SMCO4: variants seen among roughly 807,000 people sequenced by gnomAD.
SMCO4 encodes the protein single-pass membrane protein with coiled-coil domains 4.
SMCO4 carries 4 observed loss-of-function variants against 3.6 expected under a neutral mutation model. That is an observed-to-expected ratio of 1.11 (90% CI 0.54 to 2.53). The LOEUF (loss-of-function observed/expected upper bound fraction) is 2.53. Ranked by LOEUF, SMCO4 falls within the 30% of genes most tolerant of loss-of-function variation. The probability of loss-of-function intolerance (pLI) is 0.02; values close to 1 mark genes in which losing one functional copy is unlikely to be tolerated. For synonymous variants in SMCO4, 36 were observed against 35.3 expected (o/e 1.02, Z -0.07); for missense variants, 70 against 80.8 (o/e 0.87, Z 0.51).
At chr11:93,493,239 G>C (rs939631989) in intron 2 of SMCO4, among the ~76,000 whole-genome samples, 2 of 152,130 alleles carry the variant, frequency 1.3e-5, no homozygotes, top group Non-Finnish European at 2.9e-5. Flanking sequence ...AAGCCTCCAG[G>C]TCAGCAAGAG....
intron 1 of SMCO4, among the ~76,000 whole-genome samples, chr11:93,535,090 G>A (rs138648903): frequency 6.6e-4 from 100 of 152,210 alleles, no homozygotes; most frequent in Non-Finnish European, 1.3e-3. Flanking sequence ...TCCAATCCAC[G>A]CCTCAGCAGC....
intron 2 of SMCO4, among the ~76,000 whole-genome samples, chr11:93,496,231 C>T (rs535591058): frequency 1.3e-5 from 2 of 152,084 alleles, no homozygotes; most frequent in South Asian, 4.2e-4. Context: ...TGGCAAAGGA[C>T]GATGTTGGCT....
the SMCO4 span, among the ~76,000 whole-genome samples, chr11:93,552,893 T>C: frequency 6.6e-6 from 1 of 152,222 alleles, no homozygotes; most frequent in East Asian, 1.9e-4. Flanking sequence ...TTCCTTATTA[T>C]ATACAGCCTG....
chr11:93,490,653 T>C (rs1166269532), intron 2 of SMCO4, among the ~76,000 whole-genome samples: 1 of 152,198 alleles, frequency 6.6e-6, no homozygotes, highest in Non-Finnish European at 1.5e-5. Context: ...TAAATCGCAA[T>C]GGTTAAATGG....
chr11:93,492,551 G>C (rs1348069867), intron 2 of SMCO4, among the ~76,000 whole-genome samples: 1 of 152,058 alleles, frequency 6.6e-6, no homozygotes, highest in Non-Finnish European at 1.5e-5. Flanking sequence ...CCAGGTGGGA[G>C]ACGTGATTTA....
At chr11:93,498,326 G>A (rs1486572838) in intron 2 of SMCO4, among the ~76,000 whole-genome samples, 3 of 152,248 alleles carry the variant, frequency 2.0e-5, no homozygotes, top group African/African-American at 7.2e-5. Flanking sequence ...AAAGGACAAA[G>A]GTTGGGGGCA....
chr11:93,508,859 G>C (rs367900148), intron 1 of SMCO4, among the ~76,000 whole-genome samples: 1 of 152,188 alleles, frequency 6.6e-6, no homozygotes, highest in African/African-American at 2.4e-5. Context: ...GAAGGAGCAG[G>C]AAACACTTCC....
At chr11:93,552,945 G>A in the SMCO4 span, among the ~76,000 whole-genome samples, 1 of 152,160 alleles carries the variant, frequency 6.6e-6, no homozygotes, top group Non-Finnish European at 1.5e-5. Context: ...CCCTAGTGAA[G>A]GGATTGAGGG....
At chr11:93,500,604 GT>G (rs1162999318) in intron 1 of SMCO4, among the ~76,000 whole-genome samples, 2 of 152,194 alleles carry the variant, frequency 1.3e-5, no homozygotes, top group Non-Finnish European at 2.9e-5. Flanking sequence ...GGGGAAGGGA[GT>G]TGGTTATTCA....
At chr11:93,492,208 G>A (rs1948725415) in intron 2 of SMCO4, among the ~76,000 whole-genome samples, 1 of 152,192 alleles carries the variant, frequency 6.6e-6, no homozygotes, top group South Asian at 2.1e-4. Context: ...GAGCACCAGT[G>A]TTGGCAACTA....
chr11:93,511,587 T>G (rs984826145), intron 1 of SMCO4, among the ~76,000 whole-genome samples: 2 of 152,162 alleles, frequency 1.3e-5, no homozygotes, highest in Non-Finnish European at 2.9e-5. Context: ...TAGGCACTTA[T>G]GTGTCTAATG....
At chr11:93,490,229 T>A (rs1022359301) in intron 2 of SMCO4, among the ~76,000 whole-genome samples, 2 of 152,218 alleles carry the variant, frequency 1.3e-5, no homozygotes, top group Non-Finnish European at 2.9e-5. Flanking sequence ...TGCTCTTCTT[T>A]ACAGAGCAAT....
At chr11:93,551,522 T>C in the SMCO4 span, among the ~76,000 whole-genome samples, 3 of 152,076 alleles carry the variant, frequency 2.0e-5, no homozygotes, top group Non-Finnish European at 4.4e-5. Context: ...GGGGCTTCCT[T>C]CTCTATCCAA....
At chr11:93,517,300 C>T (rs186010518) in intron 1 of SMCO4, among the ~76,000 whole-genome samples, 178 of 152,244 alleles carry the variant, frequency 1.2e-3, no homozygotes, top group African/African-American at 4.0e-3. Context: ...TGCTGCCTTA[C>T]GACTGCCGTA....
intron 1 of SMCO4, among the ~76,000 whole-genome samples, chr11:93,499,579 A>G (rs2605614): frequency 0.79 from 119,569 of 152,150 alleles, 47,404 homozygotes; most frequent in African/African-American, 0.85. Flanking sequence ...CAGCCCCTGC[A>G]TGGAGTTAGA....
intron 1 of SMCO4, among the ~76,000 whole-genome samples, chr11:93,510,642 T>C (rs1948948602): frequency 6.6e-6 from 1 of 152,004 alleles, no homozygotes; most frequent in Non-Finnish European, 1.5e-5. Context: ...CATGGCTGAA[T>C]TGCAAAGAAG....
chr11:93,514,846 C>A (rs919002526), intron 1 of SMCO4, among the ~76,000 whole-genome samples: 1 of 152,170 alleles, frequency 6.6e-6, no homozygotes, highest in Non-Finnish European at 1.5e-5. Flanking sequence ...TTAAACACAT[C>A]GTCTCCTATA....
At chr11:93,531,085 T>C (rs182586627) in intron 1 of SMCO4, among the ~76,000 whole-genome samples, 178 of 152,326 alleles carry the variant, frequency 1.2e-3, no homozygotes, top group African/African-American at 4.0e-3. Context: ...TCCTTGTATG[T>C]CTGTGAGGAT....
At chr11:93,482,232 C>G (rs35548120) in intron 2 of SMCO4, among the ~76,000 whole-genome samples, 17,288 of 152,114 alleles carry the variant, frequency 0.11, 1,262 homozygotes, top group Non-Finnish European at 0.16. Flanking sequence ...GGGAGGGGAC[C>G]CTATGGTGAA....
Sources: allele counts gnomAD v4.1 joint callset (sites outside exome capture counted in the v4.1 genomes callset), GRCh38; gene constraint gnomAD v4.1.1; transcripts MANE v1.5; gene names NCBI Gene and HGNC (gene_info 2026-07-23, HGNC 2026-07-21).